The following YES1 variants were observed in gnomAD, a reference collection of about 807,000 sequenced individuals.
YES1 encodes tyrosine-protein kinase Yes.
Under a neutral mutation model 70.4 loss-of-function variants are expected in YES1, and 39 were observed. That is an observed-to-expected ratio of 0.55 (90% CI 0.43 to 0.72). The LOEUF (loss-of-function observed/expected upper bound fraction) is 0.72, where lower values mean the gene tolerates loss of function less well. YES1 is among the 30% of genes least tolerant of loss of function. The pLI is 0.00. For synonymous variants in YES1, 198 were observed against 218.6 expected (o/e 0.91, Z 0.83); for missense variants, 495 against 644.8 (o/e 0.77, Z 2.52).
Position 736,934 on chromosome 18 carries a change from T to C in YES1, c.1165A>G (p.Arg389Gly), listed in dbSNP as rs757380529. 19 of 1,610,352 alleles carry C rather than the reference T, an allele frequency of 1.2e-5. No individual in the cohort carries two copies. In the South Asian group the frequency reaches 2.1e-4, roughly 18 times the overall value. Reference sequence around the variant, plus strand: ...AGATCTCGGTGAATATAGTTCATTCTTTCAATATATGCCATACCATCAGCA... The same window carrying C: ...AGATCTCGGTGAATATAGTTCATTCCTTCAATATATGCCATACCATCAGCA... ...QIADGMAYIE[R>G]MNYIHRDLRA... Residue 389 changes from arginine to glycine, a missense_variant, in exon 10 of 12, where the codon AGA (arginine) becomes GGA (glycine). By Grantham distance (125) the Arg-to-Gly change is moderately radical. This residue lies in a region of YES1 where 385 missense variants were observed against 540.9 expected (regional missense o/e 0.71). Transcript: ENST00000314574.
At chr18:757,958 C>T (rs1234623317) in intron 1 of YES1, among the ~76,000 whole-genome samples, 1 of 151,808 alleles carries the variant, frequency 6.6e-6, no homozygotes, top group Non-Finnish European at 1.5e-5. Context: ...AACTTTATTA[C>T]AAATTCTAGA....
Position 745,703 on chromosome 18 carries a change from C to T in YES1, c.724+5G>A. 1.3e-6 allele frequency: 2 copies of T among 1,596,542 alleles called. No individual in the cohort carries two copies. Among genetic ancestry groups the T allele is most frequent in the Non-Finnish European group, 8.5e-7 (1 of 1,174,954 alleles). On this transcript the variant is annotated splice_donor_5th_base_variant and intron_variant, in intron 6 of 11. Transcript: ENST00000314574. ...ATAATTTTTACCTTTGAAATATTCA[C>T]ATACCTGTGTAGTGTTTCACCAATT...
intron 1 of YES1, among the ~76,000 whole-genome samples, chr18:775,989 A>G (rs1905361347): frequency 6.6e-6 from 1 of 152,104 alleles, no homozygotes; most frequent in East Asian, 1.9e-4. Flanking sequence ...TTTTTTTGCT[A>G]TTAGAATAAT....
intron 8 of YES1, among the ~76,000 whole-genome samples, chr18:741,947 C>T (rs2080221243): frequency 6.6e-6 from 1 of 152,136 alleles, no homozygotes; most frequent in Admixed American, 6.5e-5. Context: ...TGTATAATTT[C>T]TTAACTTTTG....
chr18:776,465 C>T (rs770452972), intron 1 of YES1, among the ~76,000 whole-genome samples: 26 of 152,216 alleles, frequency 1.7e-4, no homozygotes, highest in Non-Finnish European at 2.9e-4. Context: ...CATATGTTTA[C>T]CGGACATTAT....
chr18:764,925 C>G lies in YES1; in HGVS notation c.-8-8090G>C, dbSNP rs139605707. 1.2e-3 allele frequency among the ~76,000 whole-genome samples: 183 copies of G among 150,934 alleles called. 1 individual carries two copies. The East Asian group carries it at 0.034, about 28-fold the overall frequency. On this transcript the variant is annotated intron_variant, in intron 1 of 11. Coordinates refer to ENST00000314574, the MANE Select transcript of YES1 (RefSeq NM_005433.4). The stretch of plus-strand genomic sequence containing the variant: ...TTTTTTGTGTATTTTTAGTAGAGAC[C>G]GGGTTTCACTATGTTGGCCAGACTA...
intron 6 of YES1, 112 bp from the exon 7 acceptor site, chr18:743,527 G>T: frequency 1.2e-6 from 1 of 860,040 alleles, no homozygotes. Context: ...AAGTCCTTTC[G>T]AGTTTTACTC....
At chr18:797,209 A>G (rs1440740516) in intron 1 of YES1, among the ~76,000 whole-genome samples, 1 of 152,196 alleles carries the variant, frequency 6.6e-6, no homozygotes, top group Non-Finnish European at 1.5e-5. Context: ...GATTATGAGC[A>G]AGCAGTTCAC....
intron 6 of YES1, among the ~76,000 whole-genome samples, 174 bp downstream of exon 6, chr18:745,534 C>A (rs983512793): frequency 6.6e-6 from 1 of 152,154 alleles, no homozygotes; most frequent in African/African-American, 2.4e-5. Flanking sequence ...CTGAGTAGCA[C>A]AATGCAAGTA....
chr18:747,427 C>T (rs538344348), intron 4 of YES1, among the ~76,000 whole-genome samples: 3 of 152,118 alleles, frequency 2.0e-5, no homozygotes, highest in African/African-American at 7.2e-5. Flanking sequence ...CGAGATCACG[C>T]CACTGCACTC....
chr18:740,171 G>C (rs1438562813), intron 8 of YES1, among the ~76,000 whole-genome samples: 1 of 152,058 alleles, frequency 6.6e-6, no homozygotes, highest in Non-Finnish European at 1.5e-5. Context: ...GAATATCTTG[G>C]GTGTGGTTAA....
chr18:807,456 A>C (rs899851734), intron 1 of YES1, among the ~76,000 whole-genome samples: 2 of 152,122 alleles, frequency 1.3e-5, no homozygotes, highest in African/African-American at 4.8e-5. Context: ...CTGTGACTGC[A>C]CCACTGCACT....
intron 1 of YES1, among the ~76,000 whole-genome samples, chr18:805,327 T>C (rs910797416): frequency 1.3e-5 from 2 of 152,060 alleles, no homozygotes; most frequent in African/African-American, 4.8e-5. Flanking sequence ...CATAACTAAA[T>C]GTAGAAGAGA....
chr18:745,671 T>G (rs896261976), intron 6 of YES1, 37 bp downstream of exon 6: 38 of 1,562,464 alleles, frequency 2.4e-5, no homozygotes, highest in Non-Finnish European at 2.7e-5. Flanking sequence ...AACTAGAATA[T>G]GAAGAAATAA....
intron 1 of YES1, among the ~76,000 whole-genome samples, chr18:757,309 C>T (rs920490737): frequency 2.0e-5 from 3 of 151,380 alleles, no homozygotes; most frequent in East Asian, 3.9e-4. Context: ...TGAGACCATC[C>T]TGGCTAACAC....
intron 3 of YES1, 110 bp from the exon 4 acceptor site, chr18:748,128 T>C: frequency 1.3e-6 from 1 of 775,352 alleles, no homozygotes; most frequent in African/African-American, 1.7e-5. Context: ...CTTTCATTTT[T>C]TATTTATGCA....
At chr18:782,928 T>C (rs1242217952) in intron 1 of YES1, among the ~76,000 whole-genome samples, 1 of 152,202 alleles carries the variant, frequency 6.6e-6, no homozygotes, top group African/African-American at 2.4e-5. Flanking sequence ...GTGATCCACC[T>C]GTCTTGGCCT....
chr18:766,294 A>T (rs1438337947), intron 1 of YES1, among the ~76,000 whole-genome samples: 1 of 152,166 alleles, frequency 6.6e-6, no homozygotes, highest in Non-Finnish European at 1.5e-5. Context: ...AAAGAGGAAT[A>T]CAAGACAGAA....
intron 1 of YES1, among the ~76,000 whole-genome samples, chr18:757,245 T>C (rs1414331584): frequency 5.3e-5 from 8 of 152,210 alleles, no homozygotes; most frequent in Non-Finnish European, 1.2e-4. Flanking sequence ...GGCTCACGCC[T>C]GTAATCCCAG....
Sources: allele counts gnomAD v4.1 joint callset (sites outside exome capture counted in the v4.1 genomes callset), GRCh38; gene constraint gnomAD v4.1.1; regional missense constraint gnomAD v4.1.1; transcripts MANE v1.5; gene names NCBI Gene and HGNC (gene_info 2026-07-23, HGNC 2026-07-21).